The following ADGRL2 variants were observed in gnomAD, a reference collection of about 807,000 sequenced individuals.
ADGRL2 encodes the protein calcium-independent alpha-latrotoxin receptor 2.
ADGRL2 carries 44 observed loss-of-function variants against 157.4 expected under a neutral mutation model. That is an observed-to-expected ratio of 0.28 (90% CI 0.22 to 0.36). The LOEUF (loss-of-function observed/expected upper bound fraction) is 0.36. Among genes scored for constraint, ADGRL2 ranks in the 10% least tolerant of loss-of-function variants. The pLI is 1.00. For synonymous variants in ADGRL2, 585 were observed against 624.7 expected (o/e 0.94, Z 0.95); for missense variants, 1,510 against 1,768.9 (o/e 0.85, Z 2.63).
intron 1 of ADGRL2, among the ~76,000 whole-genome samples, chr1:81,703,915 G>T (rs1454929350): frequency 1.3e-5 from 2 of 152,102 alleles, no homozygotes; most frequent in African/African-American, 2.4e-5. Flanking sequence ...AAGGAAGTGT[G>T]GGGCAGATAT....
At chr1:81,448,326 A>C (rs2077640172) in intron 2 of ADGRL2, among the ~76,000 whole-genome samples, 1 of 151,318 alleles carries the variant, frequency 6.6e-6, no homozygotes, top group Non-Finnish European at 1.5e-5. Context: ...TTGTATTTTT[A>C]GTAGAGACGG....
At chr1:81,896,396 G>A (rs868494388) in intron 2 of ADGRL2, among the ~76,000 whole-genome samples, 1 of 152,156 alleles carries the variant, frequency 6.6e-6, no homozygotes, top group Non-Finnish European at 1.5e-5. Context: ...TTGAACTCTA[G>A]CAGGTCGTCA....
chr1:81,653,230 C>G (rs970736174), intron 3 of ADGRL2, among the ~76,000 whole-genome samples: 1 of 151,816 alleles, frequency 6.6e-6, no homozygotes, highest in Non-Finnish European at 1.5e-5. Flanking sequence ...TCCTCCATTA[C>G]TCAGTACATG....
In ADGRL2 at chr1:81,933,716, T is replaced by C. The variant is rs184440773; in HGVS notation, c.288-3012T>C. On this transcript the variant is annotated intron_variant, in intron 3 of 23. Transcript: ENST00000686636. ...TGGGTGTTTCCCAATGTCTTTCTTG[T>C]CTCCTCACTCTCTATTTGGAAACTT... Among the ~76,000 whole-genome samples the C allele has an allele frequency of 2.2e-3, 332 of 152,262 alleles. 2 individuals carry two copies. The highest frequency in any genetic ancestry group is 3.5e-3 in the Non-Finnish European group (239 of 67,994).
At chr1:81,633,412 A>G (rs530040578) in intron 3 of ADGRL2, among the ~76,000 whole-genome samples, 5 of 151,962 alleles carry the variant, frequency 3.3e-5, no homozygotes, top group African/African-American at 1.2e-4. Context: ...CTGGGCCAAC[A>G]TGGTGAAACC....
Position 81,990,554 on chromosome 1 carries a change from C to T in ADGRL2, c.3819C>T (p.Ile1273=), listed in dbSNP as rs1326228260. The part of the protein sequence containing the change: ...SLNDTAFEKM[I]ISELVHNNLR... Reference sequence around the variant, plus strand: ...ATGATACTGCTTTTGAGAAAATGATCATTTCAGAATTAGTGCACAACAACT... The same window carrying T: ...ATGATACTGCTTTTGAGAAAATGATTATTTCAGAATTAGTGCACAACAACT... Residue 1273 remains isoleucine (I), a synonymous_variant, in exon 24 of 24, where the codon ATC becomes ATT. Transcript: ENST00000686636. 1.2e-6 allele frequency: 2 copies of T among 1,614,094 alleles called. No homozygotes were observed. Among genetic ancestry groups the T allele is most frequent in the East Asian group, 4.5e-5 (2 of 44,872 alleles).
At chr1:81,516,558 A>G (rs913955781) in intron 2 of ADGRL2, among the ~76,000 whole-genome samples, 5 of 152,226 alleles carry the variant, frequency 3.3e-5, no homozygotes, top group African/African-American at 9.7e-5. Flanking sequence ...GTGAGCTCTG[A>G]TCATCTGACA....
intron 1 of ADGRL2, among the ~76,000 whole-genome samples, chr1:81,431,253 GA>G (rs1304871141): frequency 6.6e-6 from 1 of 152,096 alleles, no homozygotes; most frequent in African/African-American, 2.4e-5. Context: ...TTCTTTAAGA[GA>G]AAAGGAGAAA....
intron 17 of ADGRL2, among the ~76,000 whole-genome samples, chr1:81,977,611 C>G (rs2149401630): frequency 6.6e-6 from 1 of 151,772 alleles, no homozygotes; most frequent in South Asian, 2.1e-4. Context: ...TTTATATGTT[C>G]ACATTTTTCC....
chr1:81,326,798 G>A (rs1484373862), intron 1 of ADGRL2, among the ~76,000 whole-genome samples: 1 of 152,084 alleles, frequency 6.6e-6, no homozygotes, highest in African/African-American at 2.4e-5. Context: ...ATTCTATTTA[G>A]ACTTTCAGAC....
chr1:81,766,228 A>C (rs1021378762), intron 2 of ADGRL2, among the ~76,000 whole-genome samples: 2 of 152,168 alleles, frequency 1.3e-5, no homozygotes, highest in East Asian at 3.8e-4. Flanking sequence ...TCTTGCTTTT[A>C]AAGCAGTTAG....
At chr1:81,709,807 TA>T (rs1557585293) in intron 1 of ADGRL2, among the ~76,000 whole-genome samples, 1 of 152,128 alleles carries the variant, frequency 6.6e-6, no homozygotes, top group African/African-American at 2.4e-5. Context: ...AACCAAGCTT[TA>T]AAAAAATTTT....
At chr1:81,427,241 G>C in intron 1 of ADGRL2, 1 of 761,764 alleles carries the variant, frequency 1.3e-6, no homozygotes, top group South Asian at 1.4e-5. Flanking sequence ...TGGTGGAGGT[G>C]GTGGCAGCGG....
At chr1:81,365,963 G>A (rs1033625694) in intron 1 of ADGRL2, among the ~76,000 whole-genome samples, 13 of 152,128 alleles carry the variant, frequency 8.5e-5, no homozygotes, top group East Asian at 5.8e-4. Flanking sequence ...AGCAGAGGGC[G>A]TGACTCCTCA....
At chr1:81,621,141 A>G (rs1433141124) in intron 3 of ADGRL2, among the ~76,000 whole-genome samples, 4 of 152,130 alleles carry the variant, frequency 2.6e-5, no homozygotes, top group African/African-American at 7.2e-5. Context: ...CTCTTTGGCC[A>G]TCTAGATGAG....
intron 1 of ADGRL2, among the ~76,000 whole-genome samples, chr1:81,395,637 T>C (rs965578939): frequency 5.9e-5 from 9 of 152,198 alleles, no homozygotes; most frequent in African/African-American, 2.2e-4. Flanking sequence ...CCTGAAGTGG[T>C]TTCCCTTATG....
intron 6 of ADGRL2, among the ~76,000 whole-genome samples, chr1:81,944,873 T>C (rs1308045237): frequency 6.6e-6 from 1 of 152,012 alleles, no homozygotes; most frequent in East Asian, 1.9e-4. Flanking sequence ...GTTTTAAATA[T>C]TGTCATACGG....
At chr1:81,640,350 T>C (rs960963468) in intron 3 of ADGRL2, among the ~76,000 whole-genome samples, 14 of 152,032 alleles carry the variant, frequency 9.2e-5, no homozygotes, top group African/African-American at 3.1e-4. Flanking sequence ...TAAAAAATTA[T>C]AGGGCCGGGC....
Position 81,991,150 on chromosome 1 carries a change from A to G in ADGRL2, c.*5A>G. ...CAGCTGGTTACAAGTCTTTAATCAT[A>G]CAGCTAAGGAATTCCAAGGGCCACA... is the stretch of plus-strand genomic sequence containing the variant. On this transcript the variant is annotated 3_prime_UTR_variant, in exon 24 of 24. Coordinates refer to ENST00000686636, the MANE Select transcript of ADGRL2 (RefSeq NM_001366006.2). The G allele has an allele frequency of 6.9e-6, 11 of 1,591,394 alleles. No homozygotes were observed. The highest frequency in any genetic ancestry group is 9.4e-6 in the Non-Finnish European group (11 of 1,166,036).
Sources: allele counts gnomAD v4.1 joint callset (sites outside exome capture counted in the v4.1 genomes callset), GRCh38; gene constraint gnomAD v4.1.1; transcripts MANE v1.5; gene names NCBI Gene and HGNC (gene_info 2026-07-23, HGNC 2026-07-21).